The following GCNT3 variants were observed in gnomAD, a reference collection of about 807,000 sequenced individuals.
GCNT3 encodes the protein glucosaminyl (N-acetyl) transferase 3, mucin type, also known as beta-1,3-galactosyl-O-glycosyl-glycoprotein beta-1,6-N-acetylglucosaminyltransferase 3.
For missense variants in GCNT3, 708 were observed against 530.3 expected (o/e 1.34, Z -3.29); for synonymous variants, 269 against 195.2 (o/e 1.38, Z -3.15).
At position 59,620,953 on chromosome 15, in the gene GCNT3, G is replaced by A. The variant is rs1335849259; in HGVS notation, c.*1398G>A. Reference sequence around the variant, plus strand: ...GGCTGGAGTGCAGTGGCATGATCTTGGCTCACTGAAGCCTCTGCCTCCCAG... The same window carrying A: ...GGCTGGAGTGCAGTGGCATGATCTTAGCTCACTGAAGCCTCTGCCTCCCAG... On this transcript the variant is annotated 3_prime_UTR_variant, in exon 3 of 3. Transcript: ENST00000396065. 3 of 119,328 alleles carry A rather than the reference G, an allele frequency of 2.5e-5. No homozygotes were observed. The highest frequency in any genetic ancestry group is 4.8e-5 in the Non-Finnish European group (3 of 62,432). The allele number at this position is 119,328 out of a possible 1,614,324, so 7.4% of individuals were successfully genotyped here.
chr15:59,618,932 C>G lies in GCNT3; in HGVS notation c.694C>G (p.Pro232Ala). ...CCTGAATACATGTGGGACGGACTTT[C>G]CTATAAAGAGCAATGCAGAGATGGT... ...YFLNTCGTDFPIKSNAEMVQA... is the reference protein window; with the variant it reads ...YFLNTCGTDFAIKSNAEMVQA... The change falls in exon 3 of 3, where the codon CCT becomes GCT. Residue 232 changes from proline to alanine, a missense_variant. Physicochemically the swap from Pro to Ala is conservative, Grantham distance 27. Transcript: ENST00000396065. 2 of 1,614,042 alleles carry G rather than the reference C, an allele frequency of 1.2e-6. No homozygotes were observed. The highest frequency in any genetic ancestry group is 1.7e-6 in the Non-Finnish European group (2 of 1,180,016).
chr15:59,616,739 C>G lies in GCNT3; in HGVS notation c.-203C>G, dbSNP rs1175064536. 6.6e-6 allele frequency: 1 copy of G among 152,192 alleles called. No individual in the cohort carries two copies. Among genetic ancestry groups the G allele is most frequent in the Non-Finnish European group, 1.5e-5 (1 of 68,040 alleles). The allele number at this position is 152,192 out of a possible 1,614,324, so 9.4% of individuals were successfully genotyped here. ...TGTTCCTTGGACATCTTATGAATGT[C>G]AGAAAATACCTTTTGGAGGGTTAGA... On this transcript the variant is annotated 5_prime_UTR_variant, in exon 2 of 3. It introduces an in-frame stop codon into an upstream open reading frame of the 5' UTR. Coordinates refer to ENST00000396065, the MANE Select transcript of GCNT3 (RefSeq NM_004751.3).
chr15:59,618,108 C>T (rs1314197801), intron 2 of GCNT3, 71 bp from the exon 3 acceptor site: 3 of 600,378 alleles, frequency 5.0e-6, no homozygotes, highest in South Asian at 2.9e-5. Flanking sequence ...TTTTTGCCAT[C>T]AGTTTGGAAT....
rs150967388 is a variant in GCNT3 at position 59,619,297 on chromosome 15, C to T, written c.1059C>T (p.Asp353=). 8.7e-5 allele frequency: 141 copies of T among 1,614,164 alleles called. No homozygotes were observed. The African/African-American group carries it at 1.8e-3, about 20-fold the overall frequency. The change falls in exon 3 of 3, where the codon GAC becomes GAT. Residue 353 remains aspartate (D), a synonymous_variant. Coordinates refer to ENST00000396065, the MANE Select transcript of GCNT3 (RefSeq NM_004751.3). ...PGSVPNHPKY[D]ISDMTSIARL... Reference sequence around the variant, plus strand: ...CTGTTCCCAACCACCCCAAGTACGACATCTCAGACATGACTTCTATTGCCA... The same window carrying T: ...CTGTTCCCAACCACCCCAAGTACGATATCTCAGACATGACTTCTATTGCCA...
At position 59,620,379 on chromosome 15, in the gene GCNT3, G is replaced by A. The variant is rs1335942680; in HGVS notation, c.*824G>A. On this transcript the variant is annotated 3_prime_UTR_variant, in exon 3 of 3. Transcript: ENST00000396065. The stretch of plus-strand genomic sequence containing the variant: ...GGCCGGGTTTCACCATATTCGCCAG[G>A]CTGGTCTTGAACTCCTGACCTTGTG... 1 of 166,950 alleles carries A rather than the reference G, an allele frequency of 6.0e-6. No homozygotes were observed. The highest frequency in any genetic ancestry group is 1.9e-4 in the East Asian group (1 of 5,190). The allele number at this position is 166,950 out of a possible 1,614,324, so 10.3% of individuals were successfully genotyped here. A position where few individuals can be genotyped will look rare whatever the true frequency, so the allele number is the denominator to read the frequency against.
In GCNT3 at chr15:59,619,487, G is replaced by C. The variant is rs781567598; in HGVS notation, c.1249G>C (p.Asp417His). 1 of 1,614,092 alleles carries C rather than the reference G, an allele frequency of 6.2e-7. No homozygotes were observed. The highest frequency in any genetic ancestry group is 1.7e-5 in the Admixed American group (1 of 60,016). ...GGCCAACAAGTTTGACCCAAAGGTA[G>C]ATGATAATGCTCTTCAGTGCTTAGA... ...LLANKFDPKV[D>H]DNALQCLEEY... The change falls in exon 3 of 3, where the codon GAT (aspartate) becomes CAT (histidine). Residue 417 changes from aspartate to histidine, a missense_variant. By Grantham distance (81) the Asp-to-His change is moderately conservative. Transcript: ENST00000396065.
Position 59,618,718 on chromosome 15 carries a change from C to T in GCNT3, c.480C>T (p.Tyr160=). The T allele has an allele frequency of 3.7e-6, 6 of 1,614,108 alleles. No homozygotes were observed. The highest frequency in any genetic ancestry group is 5.1e-6 in the Non-Finnish European group (6 of 1,179,958). The change falls in exon 3 of 3, where the codon TAC becomes TAT. Residue 160 remains tyrosine (Y), a synonymous_variant. Transcript: ENST00000396065. ...CTGTGTATGCCCCTCAGAACATATA[C>T]TGTGTCCATGTGGATGAGAAGTCCC... ...LRAVYAPQNI[Y]CVHVDEKSPE...
At chr15:59,615,728 A>C (rs1326572563) in intron 1 of GCNT3, among the ~76,000 whole-genome samples, 1 of 151,884 alleles carries the variant, frequency 6.6e-6, no homozygotes, top group East Asian at 1.9e-4. Context: ...ACTTTAAAAA[A>C]AAAAAAAAAA....
chr15:59,618,040 G>C (rs549779534), intron 2 of GCNT3, 139 bp from the exon 3 acceptor site: 1 of 463,428 alleles, frequency 2.2e-6, no homozygotes, highest in Admixed American at 3.8e-5. Flanking sequence ...CAACAAACCA[G>C]ATGTAAGGGG....
In GCNT3 at chr15:59,622,195, C is replaced by G. The variant is rs1485745992; in HGVS notation, c.*2640C>G. ...AGACATGGTGGTGGGTACCTGTAATCCCAGCTACTTGGGAGGCTGAGGCAG... is the reference window on the plus strand; with the variant it reads ...AGACATGGTGGTGGGTACCTGTAATGCCAGCTACTTGGGAGGCTGAGGCAG... On this transcript the variant is annotated 3_prime_UTR_variant, in exon 3 of 3. Coordinates refer to ENST00000396065, the MANE Select transcript of GCNT3 (RefSeq NM_004751.3). 1 of 151,890 alleles carries G rather than the reference C, an allele frequency of 6.6e-6. No individual in the cohort carries two copies. The highest frequency in any genetic ancestry group is 6.6e-5 in the Admixed American group (1 of 15,234). The allele number at this position is 151,890 out of a possible 1,614,324, so 9.4% of individuals were successfully genotyped here.
Position 59,618,702 on chromosome 15 carries a change from C to A in GCNT3, c.464C>A (p.Ala155Asp). Residue 155 changes from alanine to aspartate, a missense_variant, in exon 3 of 3, where the codon GCC becomes GAC. Ala to Asp is a moderately radical substitution (Grantham distance 126, BLOSUM62 -2). Coordinates refer to ENST00000396065, the MANE Select transcript of GCNT3 (RefSeq NM_004751.3). ...NFERLLRAVYAPQNIYCVHVD... is the reference protein window; with the variant it reads ...NFERLLRAVYDPQNIYCVHVD... ...GAAAGGCTACTGCGAGCTGTGTATGCCCCTCAGAACATATACTGTGTCCAT... is the reference window on the plus strand; with the variant it reads ...GAAAGGCTACTGCGAGCTGTGTATGACCCTCAGAACATATACTGTGTCCAT... The A allele has an allele frequency of 1.2e-6, 2 of 1,613,926 alleles. No individual in the cohort carries two copies. Among genetic ancestry groups the A allele is most frequent in the Non-Finnish European group, 1.7e-6 (2 of 1,179,782 alleles).
intron 2 of GCNT3, among the ~76,000 whole-genome samples, chr15:59,617,267 C>A (rs1035209439): frequency 2.8e-5 from 4 of 142,906 alleles, no homozygotes; most frequent in African/African-American, 1.0e-4. Context: ...AGCTATAATA[C>A]TTCCTGTATT....
rs1006690454 is a variant in GCNT3, at chr15:59,620,940, G to C, written c.*1385G>C. On this transcript the variant is annotated 3_prime_UTR_variant, in exon 3 of 3. Coordinates refer to ENST00000396065, the MANE Select transcript of GCNT3 (RefSeq NM_004751.3). The stretch of plus-strand genomic sequence containing the variant: ...ACTCTGTTGCCCAGGCTGGAGTGCA[G>C]TGGCATGATCTTGGCTCACTGAAGC... The C allele has an allele frequency of 7.8e-6, 1 of 128,334 alleles. No individual in the cohort carries two copies. The highest frequency in any genetic ancestry group is 1.6e-5 in the Non-Finnish European group (1 of 64,178). The allele number at this position is 128,334 out of a possible 1,614,324, so 7.9% of individuals were successfully genotyped here.
In GCNT3 at chr15:59,618,007, A is replaced by AG. The variant is rs767057470; in HGVS notation, c.-60-169dup. 1.4e-4 allele frequency: 49 copies of AG among 362,886 alleles called. 1 individual carries two copies. The highest frequency in any genetic ancestry group is 2.0e-4 in the Non-Finnish European group (41 of 202,648). The allele number at this position is 362,886 out of a possible 1,614,324, so 22.5% of individuals were successfully genotyped here. A position where few individuals can be genotyped will look rare whatever the true frequency, so the allele number is the denominator to read the frequency against. On this transcript the variant is annotated intron_variant, in intron 2 of 2. Coordinates refer to ENST00000396065, the MANE Select transcript of GCNT3 (RefSeq NM_004751.3). ...ACTTGAGTGTGGTCGGCTAGTTTGT[A>AG]GGGTCAGATTACAGATCTCCATCAA... is the stretch of plus-strand genomic sequence containing the variant.
At position 59,618,698 on chromosome 15, in the gene GCNT3, T is replaced by G. The variant is rs755937518; in HGVS notation, c.460T>G (p.Tyr154Asp). Residue 154 changes from tyrosine to aspartate, a missense_variant, in exon 3 of 3, where the codon TAT becomes GAT. By Grantham distance (160) the Tyr-to-Asp change is radical. Coordinates refer to ENST00000396065, the MANE Select transcript of GCNT3 (RefSeq NM_004751.3). ...ENFERLLRAV[Y>D]APQNIYCVHV... The stretch of plus-strand genomic sequence containing the variant: ...CTTTGAAAGGCTACTGCGAGCTGTG[T>G]ATGCCCCTCAGAACATATACTGTGT... 6 of 1,614,058 alleles carry G rather than the reference T, an allele frequency of 3.7e-6. No individual in the cohort carries two copies. Among genetic ancestry groups the G allele is most frequent in the Non-Finnish European group, 4.2e-6 (5 of 1,180,004 alleles).
intron 1 of GCNT3, among the ~76,000 whole-genome samples, chr15:59,613,126 C>T (rs2082703716): frequency 6.6e-6 from 1 of 151,926 alleles, no homozygotes; most frequent in African/African-American, 2.4e-5. Flanking sequence ...TTAATCTTCT[C>T]AATAGTAGTA....
intron 2 of GCNT3, 23 bp downstream of exon 2, chr15:59,616,904 A>C (rs2082722032): frequency 1.3e-5 from 2 of 152,024 alleles, no homozygotes; most frequent in South Asian, 4.2e-4. Context: ...TTCATTTTTC[A>C]TTTTCCTTCC....
In GCNT3 at chr15:59,618,951, A is replaced by C. The variant is rs750254057; in HGVS notation, c.713A>C (p.Glu238Ala). ...GTDFPIKSNAEMVQALKMLNG... is the reference protein window; with the variant it reads ...GTDFPIKSNAAMVQALKMLNG... ...GACTTTCCTATAAAGAGCAATGCAG[A>C]GATGGTCCAGGCTCTCAAGATGTTG... The change falls in exon 3 of 3, where the codon GAG becomes GCG. Residue 238 changes from glutamate to alanine, a missense_variant. By Grantham distance (107) the Glu-to-Ala change is moderately radical (BLOSUM62 -1). Coordinates refer to ENST00000396065, the MANE Select transcript of GCNT3 (RefSeq NM_004751.3). The C allele has an allele frequency of 6.2e-7, 1 of 1,614,108 alleles. No homozygotes were observed. The highest frequency in any genetic ancestry group is 1.7e-5 in the Admixed American group (1 of 60,020).
chr15:59,621,617 A>G lies in GCNT3; in HGVS notation c.*2062A>G, dbSNP rs1465028122. Reference sequence around the variant, plus strand: ...GTTTTTTTTTTTTTTTTTGAGACAGAGTCTCACTCTGTCACCCAGGTTGGA... The same window carrying G: ...GTTTTTTTTTTTTTTTTTGAGACAGGGTCTCACTCTGTCACCCAGGTTGGA... On this transcript the variant is annotated 3_prime_UTR_variant, in exon 3 of 3. Coordinates refer to ENST00000396065, the MANE Select transcript of GCNT3 (RefSeq NM_004751.3). 2.2e-5 allele frequency: 1 copy of G among 46,474 alleles called. No homozygotes were observed. Among genetic ancestry groups the G allele is most frequent in the Admixed American group, 3.3e-4 (1 of 3,064 alleles). 2.9% of individuals were successfully genotyped at this position (46,474 alleles called of 1,614,324 possible). A position where few individuals can be genotyped will look rare whatever the true frequency, so the allele number is the denominator to read the frequency against.
Sources: allele counts gnomAD v4.1 joint callset (sites outside exome capture counted in the v4.1 genomes callset), GRCh38; gene constraint gnomAD v4.1.1; transcripts MANE v1.5; gene names NCBI Gene and HGNC (gene_info 2026-07-23, HGNC 2026-07-21).